The following ZCCHC4 variants were observed in gnomAD, a reference collection of about 807,000 sequenced individuals.
ZCCHC4 encodes the protein rRNA N(6)-adenosine-methyltransferase ZCCHC4.
Under a neutral mutation model 67.7 loss-of-function variants are expected in ZCCHC4, and 54 were observed. That is an observed-to-expected ratio of 0.80 (90% CI 0.64 to 1.00). The LOEUF is 1.00. Ranked by LOEUF, ZCCHC4 falls within the 50% of genes least tolerant of loss-of-function variation. ZCCHC4 has a pLI of 0.00. For missense variants in ZCCHC4, 609 were observed against 617.0 expected, an observed-to-expected ratio of 0.99 and a Z score of 0.14; for synonymous variants, 198 against 213.5, an observed-to-expected ratio of 0.93 and a Z score of 0.63.
At chr4:25,323,926 C>T (rs1718714821) in intron 3 of ZCCHC4, among the ~76,000 whole-genome samples, 1 of 151,820 alleles carries the variant, frequency 6.6e-6, no homozygotes, top group Non-Finnish European at 1.5e-5. Flanking sequence ...CCCAGACATC[C>T]ACTGATCTGC....
At chr4:25,321,062 G>A (rs910281040) in intron 3 of ZCCHC4, among the ~76,000 whole-genome samples, 1 of 152,128 alleles carries the variant, frequency 6.6e-6, no homozygotes, top group African/African-American at 2.4e-5. Flanking sequence ...AACAAAACCC[G>A]ATACAACTTC....
chr4:25,336,439 G>T (rs546035754), intron 5 of ZCCHC4, among the ~76,000 whole-genome samples: 1 of 152,190 alleles, frequency 6.6e-6, no homozygotes, highest in East Asian at 1.9e-4. Context: ...TATTTTAAAG[G>T]TAGAAGTTTA....
rs780484171 is a variant in ZCCHC4 at position 25,362,259 on chromosome 4, A to G, written c.1167A>G (p.Leu389=). ...FCSPCQRYVS[L]ENQHCELCNS... is the part of the protein sequence containing the mutation. ...CTCCGTGTCAACGGTATGTTTCTCT[A>G]GAGAATCAACACTGTGAGCTCTGTA... Residue 389 remains leucine, a synonymous_variant, in exon 10 of 13, where the codon CTA becomes CTG. Coordinates refer to ENST00000302874, the MANE Select transcript of ZCCHC4 (RefSeq NM_024936.3). 7 of 1,611,358 alleles carry G rather than the reference A, an allele frequency of 4.3e-6. No homozygotes were observed. In the African/African-American group the frequency reaches 6.7e-5, roughly 15 times the overall value.
chr4:25,321,328 T>C (rs142553464), intron 3 of ZCCHC4, among the ~76,000 whole-genome samples: 72 of 152,024 alleles, frequency 4.7e-4, no homozygotes, highest in African/African-American at 1.6e-3. Context: ...TCATAGCTCA[T>C]TGTAGCCTCC....
chr4:25,314,115 C>A lies in ZCCHC4; in HGVS notation c.197C>A (p.Ala66Asp). ...EETRRFYACS[A>D]CRDRKDCNFF... ...ACTCGGAGGTTTTATGCCTGTTCAG[C>A]CTGTAGAGATAGAAAAGACTGTAAT... is the stretch of plus-strand genomic sequence containing the variant. Residue 66 changes from alanine to aspartate, a missense_variant, in exon 2 of 13, where the codon GCC (alanine) becomes GAC (aspartate). Physicochemically the swap from Ala to Asp is moderately radical, Grantham distance 126. Transcript: ENST00000302874. 1.9e-6 allele frequency: 3 copies of A among 1,611,014 alleles called. No individual in the cohort carries two copies. Among genetic ancestry groups the A allele is most frequent in the Non-Finnish European group, 2.5e-6 (3 of 1,179,138 alleles).
chr4:25,333,667 A>G (rs1208233575), intron 4 of ZCCHC4, among the ~76,000 whole-genome samples: 2 of 152,238 alleles, frequency 1.3e-5, no homozygotes, highest in African/African-American at 4.8e-5. Context: ...GCATGAGAGA[A>G]GATTCTTTCT....
At chr4:25,324,607 C>T (rs570916126) in intron 3 of ZCCHC4, among the ~76,000 whole-genome samples, 4 of 152,266 alleles carry the variant, frequency 2.6e-5, no homozygotes, top group African/African-American at 9.6e-5. Context: ...GGTGGATATA[C>T]GTTTAATTTT....
At chr4:25,364,537 A>G (rs899321824) in intron 11 of ZCCHC4, 32 bp downstream of exon 11, 12 of 1,509,220 alleles carry the variant, frequency 8.0e-6, no homozygotes, top group South Asian at 1.3e-5. Context: ...TTGAGATCCT[A>G]TGAACATATT....
intron 5 of ZCCHC4, among the ~76,000 whole-genome samples, chr4:25,343,691 G>A (rs1191334034): frequency 6.6e-6 from 1 of 152,154 alleles, no homozygotes; most frequent in Non-Finnish European, 1.5e-5. Context: ...AAACCAGACC[G>A]TCTGACTATA....
intron 5 of ZCCHC4, among the ~76,000 whole-genome samples, chr4:25,343,274 G>T (rs1282774114): frequency 6.6e-6 from 1 of 152,068 alleles, no homozygotes; most frequent in Non-Finnish European, 1.5e-5. Flanking sequence ...TATTTCTTCA[G>T]TGCAAATTTA....
At chr4:25,362,153 G>A in intron 9 of ZCCHC4, 73 bp from the exon 10 acceptor site, 2 of 1,477,850 alleles carry the variant, frequency 1.4e-6, no homozygotes, top group Non-Finnish European at 1.9e-6. Context: ...TGTAATGAGT[G>A]CTTTGTAAAG....
At chr4:25,322,560 G>C (rs1416459985) in intron 3 of ZCCHC4, among the ~76,000 whole-genome samples, 3 of 151,854 alleles carry the variant, frequency 2.0e-5, no homozygotes, top group Non-Finnish European at 4.4e-5. Flanking sequence ...TGTCACCCAG[G>C]GTGGAGTGCA....
chr4:25,344,474 A>T (rs1432899525), intron 5 of ZCCHC4, among the ~76,000 whole-genome samples: 5 of 73,338 alleles, frequency 6.8e-5, no homozygotes, highest in South Asian at 6.2e-4. Flanking sequence ...GGGTGGGGGG[A>T]GGGGGGAGGG....
At chr4:25,355,274 C>T (rs1720473407) in intron 8 of ZCCHC4, among the ~76,000 whole-genome samples, 1 of 152,170 alleles carries the variant, frequency 6.6e-6, no homozygotes, top group Non-Finnish European at 1.5e-5. Context: ...TCTCCAGGTT[C>T]TGTTTCCTTA....
chr4:25,350,496 T>C (rs1489723724), intron 7 of ZCCHC4, among the ~76,000 whole-genome samples: 1 of 152,170 alleles, frequency 6.6e-6, no homozygotes, highest in Non-Finnish European at 1.5e-5. Context: ...CTTGAACTCA[T>C]GGCCTCAAGT....
intron 10 of ZCCHC4, among the ~76,000 whole-genome samples, chr4:25,364,117 C>CA (rs769772822): frequency 1.3e-5 from 2 of 152,144 alleles, no homozygotes; most frequent in Non-Finnish European, 2.9e-5. Context: ...AGTATAGACA[C>CA]ACAAAATTAT....
At chr4:25,351,840 A>G in intron 8 of ZCCHC4, 151 bp downstream of exon 8, 1 of 1,010,440 alleles carries the variant, frequency 9.9e-7, no homozygotes, top group Non-Finnish European at 1.3e-6. Context: ...TGTTTTCTAA[A>G]TATCAGTAAT....
chr4:25,316,527 G>A (rs910447974), intron 3 of ZCCHC4, among the ~76,000 whole-genome samples: 1 of 152,242 alleles, frequency 6.6e-6, no homozygotes, highest in South Asian at 2.1e-4. Context: ...ATTGTGAAGT[G>A]GTATGTCATT....
chr4:25,362,068 C>A, intron 9 of ZCCHC4, 88 bp downstream of exon 9: 1 of 1,499,400 alleles, frequency 6.7e-7, no homozygotes, highest in South Asian at 1.3e-5. Flanking sequence ...AGTATTGAAT[C>A]ATGTTATTCT....
Sources: gnomAD v4.1 joint callset for allele counts (sites outside exome capture counted in the v4.1 genomes callset) on GRCh38, gnomAD v4.1.1 for gene constraint, MANE v1.5 for transcripts, NCBI Gene and HGNC (gene_info 2026-07-23, HGNC 2026-07-21) for gene names.